Variants in ACSS3 observed in about 807,000 individuals in gnomAD.
ACSS3 encodes acyl-CoA synthetase short chain family member 3.
Under a neutral mutation model 84.2 loss-of-function variants are expected in ACSS3, and 64 were observed. That is an observed-to-expected ratio of 0.76 (90% CI 0.62 to 0.94). ACSS3 has a LOEUF of 0.94. Among genes scored for constraint, ACSS3 ranks in the 40% least tolerant of loss-of-function variants. The probability of loss-of-function intolerance (pLI) is 0.00; values close to 1 mark genes in which losing one functional copy is unlikely to be tolerated. For missense variants in ACSS3, 815 were observed against 867.6 expected, an observed-to-expected ratio of 0.94 and a Z score of 0.76; for synonymous variants, 317 against 310.1, an observed-to-expected ratio of 1.02 and a Z score of -0.23.
At chr12:81,190,729 G>T (rs555219929) in intron 8 of ACSS3, among the ~76,000 whole-genome samples, 1 of 151,956 alleles carries the variant, frequency 6.6e-6, no homozygotes, top group South Asian at 2.1e-4. Flanking sequence ...TGATTTTAGC[G>T]TTTTTTGTTA....
At chr12:81,214,730 A>G (rs187141462) in intron 9 of ACSS3, among the ~76,000 whole-genome samples, 1 of 152,308 alleles carries the variant, frequency 6.6e-6, no homozygotes, top group East Asian at 1.9e-4. Flanking sequence ...CCCTTCTCCC[A>G]GTGCGATAGG....
chr12:81,107,504 A>G, intron 1 of ACSS3, among the ~76,000 whole-genome samples: 1 of 32,224 alleles, frequency 3.1e-5, no homozygotes, highest in East Asian at 5.8e-4. Flanking sequence ...TCAGGTACAA[A>G]TATATACATA....
chr12:81,157,352 C>A (rs1167081052), intron 7 of ACSS3, among the ~76,000 whole-genome samples: 1 of 152,132 alleles, frequency 6.6e-6, no homozygotes, highest in African/African-American at 2.4e-5. Flanking sequence ...AAAGGAACTT[C>A]CTCAACCTGA....
chr12:81,180,338 A>C (rs1206676230), intron 8 of ACSS3, among the ~76,000 whole-genome samples: 2 of 152,190 alleles, frequency 1.3e-5, no homozygotes. Flanking sequence ...CATGTAACAA[A>C]TCTGCACATG....
chr12:81,094,178 C>CTGTGTGTG (rs1565971754), intron 1 of ACSS3, among the ~76,000 whole-genome samples: 5 of 106,270 alleles, frequency 4.7e-5, no homozygotes, highest in African/African-American at 1.7e-4. Flanking sequence ...CTCTCTGTCT[C>CTGTGTGTG]TCTCTCTGTG....
chr12:81,109,203 C>A lies in ACSS3; in HGVS notation c.312-357C>A, dbSNP rs531496254. On this transcript the variant is annotated intron_variant, in intron 1 of 15. Transcript: ENST00000548058. ...TCTGCCATTTGCCCTTTCACAATCC[C>A]CAATGCCTCTGCACTGCACTTACAT... 4.6e-5 allele frequency among the ~76,000 whole-genome samples: 7 copies of A among 152,256 alleles called. No homozygotes were observed. The South Asian group carries it at 1.5e-3, about 32-fold the overall frequency.
At chr12:81,170,330 T>C (rs1208496556) in intron 7 of ACSS3, among the ~76,000 whole-genome samples, 1 of 152,140 alleles carries the variant, frequency 6.6e-6, no homozygotes, top group Non-Finnish European at 1.5e-5. Flanking sequence ...TAGAAAAGTA[T>C]ATATGGATGT....
rs77749033 is a variant in ACSS3, at chr12:81,098,845, T to G, written c.312-10715T>G. ...CCTAGTTTAGAATTAATCTCTTTCT[T>G]ATTATGTGCTTTCATCATGCTTAGT... On this transcript the variant is annotated intron_variant, in intron 1 of 15. Transcript: ENST00000548058. Among the ~76,000 whole-genome samples, 42 of 152,294 alleles carry G rather than the reference T, an allele frequency of 2.8e-4. No individual in the cohort carries two copies. In the East Asian group the frequency reaches 8.1e-3, roughly 29 times the overall value.
intron 8 of ACSS3, among the ~76,000 whole-genome samples, chr12:81,175,883 A>C (rs527750935): frequency 4.6e-5 from 7 of 152,316 alleles, no homozygotes; most frequent in African/African-American, 1.7e-4. Flanking sequence ...ATAGAACTAC[A>C]TGCCCATAAA....
chr12:81,227,398 TACACACAC>T (rs34993441), intron 11 of ACSS3, among the ~76,000 whole-genome samples: 1 of 148,588 alleles, frequency 6.7e-6, no homozygotes, highest in Non-Finnish European at 1.5e-5. Flanking sequence ...GAGGACTATT[TACACACAC>T]ACACACACAC....
intron 7 of ACSS3, among the ~76,000 whole-genome samples, chr12:81,169,784 A>G (rs75859148): frequency 1.3e-5 from 2 of 152,250 alleles, no homozygotes; most frequent in South Asian, 2.1e-4. Context: ...CACATGACCT[A>G]TAGTAGAAAT....
rs1001690276 is a variant in ACSS3, at chr12:81,257,127, T to G, written c.*2205T>G. 1 of 152,164 alleles carries G rather than the reference T, an allele frequency of 6.6e-6. No individual in the cohort carries two copies. The highest frequency in any genetic ancestry group is 2.4e-5 in the African/African-American group (1 of 41,448). 9.4% of individuals were successfully genotyped at this position (152,164 alleles called of 1,614,324 possible). A position where few individuals can be genotyped will look rare whatever the true frequency, so the allele number is the denominator to read the frequency against. On this transcript the variant is annotated 3_prime_UTR_variant, in exon 16 of 16. Transcript: ENST00000548058. ...GGTAAAGGTTGCATCTTTGGTCCTC[T>G]TGCACATTTTTTCTGGTAATCAAAT...
intron 7 of ACSS3, among the ~76,000 whole-genome samples, chr12:81,153,446 A>G (rs540664279): frequency 6.6e-6 from 1 of 152,066 alleles, no homozygotes; most frequent in East Asian, 1.9e-4. Flanking sequence ...GGGAATGGCT[A>G]GTCTGACAAA....
intron 7 of ACSS3, among the ~76,000 whole-genome samples, chr12:81,168,357 T>G (rs1887499724): frequency 6.6e-6 from 1 of 151,938 alleles, no homozygotes; most frequent in Non-Finnish European, 1.5e-5. Flanking sequence ...TATAGACGCT[T>G]ATTAGAATCC....
At chr12:81,109,889 C>A (rs1408772507) in intron 2 of ACSS3, among the ~76,000 whole-genome samples, 185 bp downstream of exon 2, 4 of 152,128 alleles carry the variant, frequency 2.6e-5, no homozygotes, top group African/African-American at 9.7e-5. Context: ...TTATAGCCTT[C>A]AATTTATGTT....
chr12:81,113,834 T>A (rs1883805362), intron 2 of ACSS3, among the ~76,000 whole-genome samples: 1 of 152,112 alleles, frequency 6.6e-6, no homozygotes, highest in Admixed American at 6.6e-5. Flanking sequence ...CCCACACTTA[T>A]AACTCAGAAG....
chr12:81,211,674 C>T (rs2032599828), intron 9 of ACSS3, among the ~76,000 whole-genome samples: 1 of 152,110 alleles, frequency 6.6e-6, no homozygotes, highest in African/African-American at 2.4e-5. Flanking sequence ...TCTCTTGCAG[C>T]CCAAATAAAT....
At chr12:81,217,580 T>C in intron 10 of ACSS3, among the ~76,000 whole-genome samples, 1 of 152,174 alleles carries the variant, frequency 6.6e-6, no homozygotes, top group Non-Finnish European at 1.5e-5. Flanking sequence ...TGGTGGCTCA[T>C]GCCTGTAATC....
In ACSS3 at chr12:81,078,270, A is replaced by G. The variant is rs1880744001; in HGVS notation, c.150A>G (p.Gly50=). The change falls in exon 1 of 16, where the codon GGA becomes GGG. Residue 50 remains glycine (G), a synonymous_variant. Transcript: ENST00000548058. The part of the protein sequence containing the change: ...PGPRGGLGGR[G]CRALSSGSGS... ...CGCGGGGCGGTCTCGGGGGCCGGGG[A>G]TGCAGGGCACTGTCCTCCGGCAGTG... The G allele has an allele frequency of 6.2e-7, 1 of 1,610,040 alleles. No homozygotes were observed. The highest frequency in any genetic ancestry group is 8.5e-7 in the Non-Finnish European group (1 of 1,179,620).
Sources: gnomAD v4.1 joint callset for allele counts (sites outside exome capture counted in the v4.1 genomes callset) on GRCh38, gnomAD v4.1.1 for gene constraint, MANE v1.5 for transcripts, NCBI Gene and HGNC (gene_info 2026-07-23, HGNC 2026-07-21) for gene names.